RBFOX1: variants seen among roughly 807,000 people sequenced by gnomAD.
RBFOX1 encodes the protein RNA binding fox-1 homolog 1.
In RBFOX1, 8 loss-of-function variants were observed where a neutral mutation model predicts 57.7. The observed-to-expected ratio is 0.14, with a 90% CI of 0.08 to 0.25. The LOEUF (loss-of-function observed/expected upper bound fraction) is 0.25. Ranked by LOEUF, RBFOX1 falls within the 10% of genes least tolerant of loss-of-function variation. The probability of loss-of-function intolerance (pLI) is 1.00; values close to 1 mark genes in which losing one functional copy is unlikely to be tolerated. For synonymous variants in RBFOX1, 326 were observed against 222.4 expected (o/e 1.47, Z -4.15); for missense variants, 611 against 548.5 (o/e 1.11, Z -1.14).
At chr16:5,838,515 C>G (rs2056531479) in intron 3 of RBFOX1, 1 of 156,062 alleles carries the variant, frequency 6.4e-6, no homozygotes, top group Admixed American at 6.5e-5. Context: ...GAACGGGAAA[C>G]TTGCTATCTC....
intron 3 of RBFOX1, among the ~76,000 whole-genome samples, chr16:6,869,107 G>A (rs2060434175): frequency 6.6e-6 from 1 of 152,140 alleles, no homozygotes. Context: ...GTTTATTACA[G>A]CAGCATTGTG....
At chr16:6,561,765 C>G (rs1253240109) in intron 2 of RBFOX1, among the ~76,000 whole-genome samples, 1 of 152,078 alleles carries the variant, frequency 6.6e-6, no homozygotes, top group African/African-American at 2.4e-5. Context: ...CATAATATGG[C>G]TTTATAAGTG....
At chr16:5,664,758 C>G (rs760025040) in intron 3 of RBFOX1, among the ~76,000 whole-genome samples, 13 of 152,116 alleles carry the variant, frequency 8.5e-5, no homozygotes, top group Non-Finnish European at 1.8e-4. Context: ...TTCCTTTTTG[C>G]TTTTTCCAAA....
At chr16:6,049,133 G>C (rs922859491) in intron 1 of RBFOX1, among the ~76,000 whole-genome samples, 11 of 140,634 alleles carry the variant, frequency 7.8e-5, no homozygotes, top group Non-Finnish European at 1.6e-4. Flanking sequence ...CATGATCTCA[G>C]CTCACTGCAA....
intron 3 of RBFOX1, among the ~76,000 whole-genome samples, chr16:7,010,582 C>G (rs1195726570): frequency 6.6e-6 from 1 of 151,372 alleles, no homozygotes; most frequent in African/African-American, 2.4e-5. Context: ...CAGAGTTTTT[C>G]TCTGTCACCC....
intron 2 of RBFOX1, among the ~76,000 whole-genome samples, chr16:6,431,232 G>C (rs2094073724): frequency 6.6e-6 from 1 of 152,062 alleles, no homozygotes; most frequent in Non-Finnish European, 1.5e-5. Context: ...AGGAGAAGCA[G>C]GTGGTTTGAA....
chr16:6,675,607 A>G (rs948774844), intron 3 of RBFOX1, among the ~76,000 whole-genome samples: 11 of 152,206 alleles, frequency 7.2e-5, no homozygotes, highest in African/African-American at 2.7e-4. Flanking sequence ...ATTTGTAAAG[A>G]AAAAGAGCTT....
chr16:5,889,177 C>A (rs2057980424), intron 4 of RBFOX1, among the ~76,000 whole-genome samples: 1 of 152,134 alleles, frequency 6.6e-6, no homozygotes, highest in African/African-American at 2.4e-5. Flanking sequence ...CTGCACAGAT[C>A]AACTCATCAC....
At chr16:5,785,426 G>C (rs560507678) in intron 3 of RBFOX1, among the ~76,000 whole-genome samples, 1 of 152,138 alleles carries the variant, frequency 6.6e-6, no homozygotes, top group East Asian at 1.9e-4. Flanking sequence ...AGGCCCCACC[G>C]CCATCCTTGA....
chr16:7,685,821 C>G (rs1311621129), intron 14 of RBFOX1, among the ~76,000 whole-genome samples: 2 of 152,040 alleles, frequency 1.3e-5, no homozygotes, highest in African/African-American at 2.4e-5. Flanking sequence ...GTAACTGTGT[C>G]AAGATTTGAA....
chr16:5,358,853 A>C (rs1292706705), intron 1 of RBFOX1, among the ~76,000 whole-genome samples: 1 of 152,156 alleles, frequency 6.6e-6, no homozygotes, highest in Non-Finnish European at 1.5e-5. Flanking sequence ...AGTGCAATTC[A>C]GTCATATTGA....
At chr16:7,476,987 G>A (rs2151092799) in intron 4 of RBFOX1, among the ~76,000 whole-genome samples, 1 of 152,268 alleles carries the variant, frequency 6.6e-6, no homozygotes, top group South Asian at 2.1e-4. Flanking sequence ...TGGAGTCCTA[G>A]CTCTCCTTTC....
At chr16:7,459,829 A>C (rs1441276555) in intron 4 of RBFOX1, among the ~76,000 whole-genome samples, 1 of 152,186 alleles carries the variant, frequency 6.6e-6, no homozygotes, top group Non-Finnish European at 1.5e-5. Flanking sequence ...CTTACGGGCC[A>C]CCATACATAC....
chr16:5,286,845 C>T (rs368934305), intron 1 of RBFOX1, among the ~76,000 whole-genome samples: 1 of 152,142 alleles, frequency 6.6e-6, no homozygotes, highest in Non-Finnish European at 1.5e-5. Flanking sequence ...TGGTTTTATT[C>T]CAGTAAAATT....
chr16:5,938,750 A>G (rs1176931109), intron 4 of RBFOX1, among the ~76,000 whole-genome samples: 2 of 152,254 alleles, frequency 1.3e-5, no homozygotes, highest in East Asian at 1.9e-4. Flanking sequence ...CTCCATAAAC[A>G]GTCATTTTGG....
intron 9 of RBFOX1, among the ~76,000 whole-genome samples, chr16:7,602,200 A>T (rs192695761): frequency 6.6e-6 from 1 of 152,328 alleles, no homozygotes; most frequent in East Asian, 1.9e-4. Context: ...TGGAGGTCTT[A>T]ACCAGCATAT....
At position 5,793,870 on chromosome 16, in the gene RBFOX1, C is replaced by G. The variant is rs188639220; in HGVS notation, c.319-73433C>G. ...CACAAATGTACTGGGAGACTGGAAT[C>G]CAGCACGTTCTCCCTGATCCTCACA... On this transcript the variant is annotated intron_variant, in intron 3 of 19. Transcript: ENST00000641259. Among the ~76,000 whole-genome samples the G allele has an allele frequency of 2.0e-5, 3 of 152,350 alleles. No individual in the cohort carries two copies. The East Asian group carries it at 5.8e-4, about 29-fold the overall frequency.
At chr16:6,391,652 C>G (rs948305286) in intron 2 of RBFOX1, among the ~76,000 whole-genome samples, 7 of 152,038 alleles carry the variant, frequency 4.6e-5, no homozygotes, top group Admixed American at 4.6e-4. Context: ...TTATAATTGC[C>G]TTGATGGAAG....
intron 4 of RBFOX1, among the ~76,000 whole-genome samples, chr16:5,950,512 C>T (rs1220308638): frequency 1.3e-5 from 2 of 152,234 alleles, no homozygotes; most frequent in South Asian, 2.1e-4. Flanking sequence ...TCTCCCTCCA[C>T]TCCCCATTCT....
Sources: allele counts gnomAD v4.1 joint callset (sites outside exome capture counted in the v4.1 genomes callset), GRCh38; gene constraint gnomAD v4.1.1; transcripts MANE v1.5; gene names NCBI Gene and HGNC (gene_info 2026-07-23, HGNC 2026-07-21).